The following FKBP6 variants were observed in gnomAD, a reference collection of about 807,000 sequenced individuals.
FKBP6 encodes the protein inactive peptidyl-prolyl cis-trans isomerase FKBP6.
FKBP6 carries 29 observed loss-of-function variants against 41.7 expected under a neutral mutation model. The observed-to-expected ratio is 0.70, with a 90% confidence interval of 0.52 to 0.95. The LOEUF (loss-of-function observed/expected upper bound fraction) is 0.95, where lower values mean the gene tolerates loss of function less well. FKBP6 is among the 40% of genes least tolerant of loss of function. The probability of loss-of-function intolerance (pLI) is 0.00; values close to 1 mark genes in which losing one functional copy is unlikely to be tolerated. For synonymous variants in FKBP6, 130 were observed against 165.1 expected (o/e 0.79, Z 1.63); for missense variants, 338 against 408.7 (o/e 0.83, Z 1.49).
chr7:73,354,793 G>A (rs1440943739), intron 8 of FKBP6, among the ~76,000 whole-genome samples: 1 of 152,146 alleles, frequency 6.6e-6, no homozygotes. Context: ...GGGTTCCAGG[G>A]TCTTCTCACC....
intron 8 of FKBP6, among the ~76,000 whole-genome samples, chr7:73,352,183 C>T (rs1365518034): frequency 1.3e-5 from 2 of 152,108 alleles, no homozygotes; most frequent in African/African-American, 2.4e-5. Context: ...AGGCTGATCT[C>T]GATCTCCTGG....
At position 73,335,927 on chromosome 7, in the gene FKBP6, TGG is replaced by T; in HGVS notation, c.588+4152_588+4153del. Among the ~76,000 whole-genome samples, 3 of 152,300 alleles carry T rather than the reference TGG, an allele frequency of 2.0e-5. No homozygotes were observed. In the South Asian group the frequency reaches 6.2e-4, roughly 32 times the overall value. On this transcript the variant is annotated intron_variant, in intron 5 of 8. Coordinates refer to ENST00000252037, the MANE Select transcript of FKBP6 (RefSeq NM_003602.5). ...AGAGGTTTTGCACGTCTTTTCCTAGTGGAAAGTTTCTCCGTCTTTGGAGCAGC... is the reference window on the plus strand; with the variant it reads ...AGAGGTTTTGCACGTCTTTTCCTAGTAAAGTTTCTCCGTCTTTGGAGCAGC...
chr7:73,341,178 C>A (rs1337417905), intron 6 of FKBP6, 95 bp from the exon 7 acceptor site: 28 of 894,082 alleles, frequency 3.1e-5, no homozygotes, highest in Non-Finnish European at 5.0e-5. Context: ...CCCGCCTTGG[C>A]CTCCCAAAGT....
At chr7:73,343,159 T>C (rs1165016073) in intron 8 of FKBP6, among the ~76,000 whole-genome samples, 4 of 152,054 alleles carry the variant, frequency 2.6e-5, no homozygotes, top group African/African-American at 9.7e-5. Context: ...TATTTATTTG[T>C]TTGTTTGTTT....
chr7:73,344,593 AT>A (rs34168874), intron 8 of FKBP6, among the ~76,000 whole-genome samples: 69,795 of 150,792 alleles, frequency 0.46, 17,210 homozygotes, highest in African/African-American at 0.64. Context: ...AACCAGGACA[AT>A]TTTTTTTTTT....
intron 8 of FKBP6, among the ~76,000 whole-genome samples, chr7:73,357,890 A>T (rs557324408): frequency 3.9e-5 from 6 of 151,948 alleles, no homozygotes; most frequent in Admixed American, 3.9e-4. Flanking sequence ...CAGGAGGCTG[A>T]AGCAGGAGAA....
At chr7:73,352,256 G>A (rs751542972) in intron 8 of FKBP6, among the ~76,000 whole-genome samples, 16 of 152,264 alleles carry the variant, frequency 1.1e-4, no homozygotes, top group South Asian at 2.1e-4. Flanking sequence ...GAGCCACCGC[G>A]CCCAGCCATG....
At chr7:73,343,519 T>C (rs1554549910) in intron 8 of FKBP6, among the ~76,000 whole-genome samples, 1 of 152,120 alleles carries the variant, frequency 6.6e-6, no homozygotes. Context: ...AACACATTAC[T>C]AAAGCAGACA....
intron 5 of FKBP6, among the ~76,000 whole-genome samples, chr7:73,332,116 G>A (rs1284017199): frequency 3.3e-5 from 5 of 151,874 alleles, no homozygotes; most frequent in Non-Finnish European, 5.9e-5. Flanking sequence ...TGCCCACCTC[G>A]GCCTCCCAAA....
intron 2 of FKBP6, among the ~76,000 whole-genome samples, 189 bp from the exon 3 acceptor site, chr7:73,329,171 G>A (rs1426232364): frequency 6.6e-6 from 1 of 152,146 alleles, no homozygotes; most frequent in Non-Finnish European, 1.5e-5. Context: ...CTTCCGCAAA[G>A]CTCTTGAACC....
chr7:73,329,675 G>A (rs1350727027), intron 3 of FKBP6: 1 of 598,014 alleles, frequency 1.7e-6, no homozygotes, highest in African/African-American at 1.9e-5. Flanking sequence ...CTAACCACTG[G>A]GAATGTTTCT....
chr7:73,348,257 G>T (rs191365484), intron 8 of FKBP6, among the ~76,000 whole-genome samples: 84 of 152,002 alleles, frequency 5.5e-4, no homozygotes, highest in Middle Eastern at 3.4e-3. Flanking sequence ...TTGAATCTAA[G>T]AGCTCTTCTC....
In FKBP6 at chr7:73,358,498, C is replaced by A. The variant is rs572613438; in HGVS notation, c.*320C>A. 6.6e-6 allele frequency: 1 copy of A among 152,530 alleles called. No individual in the cohort carries two copies. Among genetic ancestry groups the A allele is most frequent in the African/African-American group, 2.4e-5 (1 of 41,392 alleles). 9.4% of individuals were successfully genotyped at this position (152,530 alleles called of 1,614,324 possible). ...CCAGTCCCAGCCCTGCTTCCGGCTG[C>A]GAATGTCCCTGAGTCAACACCAATA... On this transcript the variant is annotated 3_prime_UTR_variant, in exon 9 of 9. Coordinates refer to ENST00000252037, the MANE Select transcript of FKBP6 (RefSeq NM_003602.5).
chr7:73,341,418 G>A (rs782042050), intron 7 of FKBP6, 36 bp downstream of exon 7: 1 of 1,267,178 alleles, frequency 7.9e-7, no homozygotes, highest in Non-Finnish European at 1.2e-6. Flanking sequence ...AGAGAGATGG[G>A]TGGGGTTGTG....
intron 8 of FKBP6, 37 bp from the exon 9 acceptor site, chr7:73,358,144 A>C (rs1265121116): frequency 6.6e-6 from 1 of 151,894 alleles, no homozygotes. Flanking sequence ...GCAGCTGCTG[A>C]GTCCTGAGAT....
intron 8 of FKBP6, among the ~76,000 whole-genome samples, chr7:73,349,712 C>CAAAAA (rs1213747722): frequency 7.2e-5 from 2 of 27,848 alleles, no homozygotes; most frequent in African/African-American, 1.3e-4. Flanking sequence ...GACTCCGTCT[C>CAAAAA]AAAAAAAAAA....
chr7:73,343,140 CTATT>C lies in FKBP6; in HGVS notation c.*2+255_*2+258del, dbSNP rs201357426. ...ATGTATAGGTTCAGGGGGCCTTGAGCTATTTATTTATTTATTTGTTTGTTTGTTT... is the reference window on the plus strand; with the variant it reads ...ATGTATAGGTTCAGGGGGCCTTGAGCTATTTATTTATTTGTTTGTTTGTTT... On this transcript the variant is annotated intron_variant, in intron 8 of 8. Coordinates refer to ENST00000252037, the MANE Select transcript of FKBP6 (RefSeq NM_003602.5). 5.6e-3 allele frequency among the ~76,000 whole-genome samples: 853 copies of C among 152,128 alleles called. 10 individuals are homozygous for C. Among genetic ancestry groups the C allele is most frequent in the African/African-American group, 0.02 (829 of 41,520 alleles).
At chr7:73,345,479 A>G (rs78746632) in intron 8 of FKBP6, among the ~76,000 whole-genome samples, 2,570 of 152,188 alleles carry the variant, frequency 0.017, 63 homozygotes, top group African/African-American at 0.058. Context: ...ATAACTCTTC[A>G]GTTTGAAAGA....
intron 8 of FKBP6, among the ~76,000 whole-genome samples, chr7:73,347,104 T>G (rs1805352735): frequency 6.6e-6 from 1 of 152,224 alleles, no homozygotes; most frequent in African/African-American, 2.4e-5. Context: ...CGCGTGGCTT[T>G]CATTCTTTTG....
Sources: gnomAD v4.1 joint callset for allele counts (sites outside exome capture counted in the v4.1 genomes callset) on GRCh38, gnomAD v4.1.1 for gene constraint, MANE v1.5 for transcripts, NCBI Gene and HGNC (gene_info 2026-07-23, HGNC 2026-07-21) for gene names.